The following CECR2 variants were observed in gnomAD, a reference collection of about 807,000 sequenced individuals.
CECR2 encodes CECR2 histone acetyl-lysine reader, also known as chromatin remodeling regulator CECR2.
Under a neutral mutation model 154.5 loss-of-function variants are expected in CECR2, and 30 were observed. The ratio of observed to expected loss-of-function variants is 0.19; its 90% CI spans 0.15 to 0.26. CECR2 has a LOEUF of 0.26. Ranked by LOEUF, CECR2 falls within the 10% of genes least tolerant of loss-of-function variation. The pLI is 1.00. For synonymous variants in CECR2, 725 were observed against 683.7 expected, an observed-to-expected ratio of 1.06 and a Z score of -0.94; for missense variants, 1,743 against 1,829.3, an observed-to-expected ratio of 0.95 and a Z score of 0.86.
Position 17,552,994 on chromosome 22 carries a change from G to C in CECR2, c.*154G>C, listed in dbSNP as rs17808690. Reference sequence around the variant, plus strand: ...CCATACTTGAGCTGGAGCCAGTCACGGGCCCTAAAAGGACACTCCTTAGAT... The same window carrying C: ...CCATACTTGAGCTGGAGCCAGTCACCGGCCCTAAAAGGACACTCCTTAGAT... On this transcript the variant is annotated 3_prime_UTR_variant, in exon 19 of 19. Coordinates refer to ENST00000262608, the MANE Select transcript of CECR2 (RefSeq NM_001290047.2). 19,814 of 1,456,886 alleles carry C rather than the reference G, an allele frequency of 0.014. 185 individuals carry two copies. The highest frequency in any genetic ancestry group is 0.015 in the Non-Finnish European group (16,728 of 1,106,988). 90.2% of individuals were successfully genotyped at this position (1,456,886 alleles called of 1,614,324 possible).
chr22:17,530,687 GA>G lies in CECR2; in HGVS notation c.1109-6405del, dbSNP rs79356386. Among the ~76,000 whole-genome samples the G allele has an allele frequency of 5.0e-3, 697 of 138,724 alleles. 5 individuals carry two copies. Among genetic ancestry groups the G allele is most frequent in the African/African-American group, 0.016 (628 of 38,230 alleles). 91.0% of individuals were successfully genotyped at this position (138,724 alleles called of 152,430 possible). On this transcript the variant is annotated intron_variant, in intron 9 of 18. Coordinates refer to ENST00000262608, the MANE Select transcript of CECR2 (RefSeq NM_001290047.2). ...GCGAGACTCTGTCCCCCTCAAAAAAGAAAAAAAAAAACAACAGAAGGCAAAA... is the reference window on the plus strand; with the variant it reads ...GCGAGACTCTGTCCCCCTCAAAAAAGAAAAAAAAAACAACAGAAGGCAAAA...
chr22:17,538,466 TCAG>T, intron 10 of CECR2, 51 bp from the exon 11 acceptor site: 1 of 1,513,714 alleles, frequency 6.6e-7, no homozygotes, highest in Non-Finnish European at 9.2e-7. Context: ...CTGAGAGAGC[TCAG>T]GAGAGAAGGT....
rs61532770 is a variant in CECR2 at position 17,391,864 on chromosome 22, C to G, written c.126+21955C>G. On this transcript the variant is annotated intron_variant, in intron 1 of 18. Transcript: ENST00000262608. Reference sequence around the variant, plus strand: ...TCTTACAGGCGGGAGTACAGTGGCGCAATCTCCGCTCACTGTAACTTCCGT... The same window carrying G: ...TCTTACAGGCGGGAGTACAGTGGCGGAATCTCCGCTCACTGTAACTTCCGT... Among the ~76,000 whole-genome samples the G allele has an allele frequency of 7.7e-4, 117 of 152,320 alleles. 1 individual carries two copies. The highest frequency in any genetic ancestry group is 2.7e-3 in the African/African-American group (114 of 41,576).
At chr22:17,472,969 C>T (rs982048330) in intron 1 of CECR2, among the ~76,000 whole-genome samples, 5 of 152,114 alleles carry the variant, frequency 3.3e-5, no homozygotes, top group African/African-American at 1.2e-4. Flanking sequence ...TCTGCTTGTT[C>T]CCGCTGCTGT....
intron 16 of CECR2, 101 bp downstream of exon 16, chr22:17,543,104 T>C: frequency 7.6e-7 from 1 of 1,312,034 alleles, no homozygotes; most frequent in South Asian, 1.6e-5. Context: ...CCAGCCTCTC[T>C]TTCTTTGTTT....
At chr22:17,465,730 G>A (rs1436653752) in intron 1 of CECR2, among the ~76,000 whole-genome samples, 1 of 151,942 alleles carries the variant, frequency 6.6e-6, no homozygotes, top group Non-Finnish European at 1.5e-5. Context: ...TGATCCCCCC[G>A]CCTCAGCCTC....
intron 2 of CECR2, among the ~76,000 whole-genome samples, chr22:17,496,194 C>A (rs1321200162): frequency 6.6e-6 from 1 of 152,032 alleles, no homozygotes; most frequent in Admixed American, 6.6e-5. Context: ...GCTGAGACCC[C>A]ATCTCTGAAA....
At chr22:17,414,456 CTTTTT>C (rs1189863394) in intron 1 of CECR2, among the ~76,000 whole-genome samples, 1 of 118,142 alleles carries the variant, frequency 8.5e-6, no homozygotes, top group African/African-American at 3.0e-5. Context: ...TTTCTTTTTT[CTTTTT>C]TTTTTTTTTA....
intron 1 of CECR2, among the ~76,000 whole-genome samples, chr22:17,436,152 G>T (rs2054503803): frequency 6.6e-6 from 1 of 152,066 alleles, no homozygotes; most frequent in Non-Finnish European, 1.5e-5. Flanking sequence ...TAGAGACGGG[G>T]TTTCACGGTG....
chr22:17,517,232 C>T (rs73159545), intron 8 of CECR2, among the ~76,000 whole-genome samples: 4,171 of 149,080 alleles, frequency 0.028, 101 homozygotes, highest in South Asian at 0.083. Flanking sequence ...TGCGCACTTG[C>T]GCTTTCTGGC....
In CECR2 at chr22:17,537,106, G is replaced by T; in HGVS notation, c.1112G>T (p.Arg371Leu). ...TCAGCCTTTGTGTTCATTGTAGATC[G>T]AGCGAAGAGGAGAAAGCTCAGGGAA... ...LEEKVKAVED[R>L]AKRRKLREER... is the part of the protein sequence containing the mutation. Residue 371 changes from arginine to leucine, a missense_variant, in exon 10 of 19, where the codon CGA (arginine) becomes CTA (leucine). This residue lies in a region of CECR2 where 292 missense variants were observed against 301.2 expected (regional missense o/e 0.97). Coordinates refer to ENST00000262608, the MANE Select transcript of CECR2 (RefSeq NM_001290047.2). 2 of 1,613,088 alleles carry T rather than the reference G, an allele frequency of 1.2e-6. No homozygotes were observed. Among genetic ancestry groups the T allele is most frequent in the Non-Finnish European group, 1.7e-6 (2 of 1,179,566 alleles).
At chr22:17,467,917 A>T (rs573939874) in intron 1 of CECR2, among the ~76,000 whole-genome samples, 1 of 152,238 alleles carries the variant, frequency 6.6e-6, no homozygotes, top group East Asian at 1.9e-4. Context: ...TTTTGAGACC[A>T]TGAGCTGATG....
At chr22:17,434,085 G>A (rs987273995) in intron 1 of CECR2, among the ~76,000 whole-genome samples, 1 of 151,840 alleles carries the variant, frequency 6.6e-6, no homozygotes, top group African/African-American at 2.4e-5. Context: ...AAGGCACAGA[G>A]TGAAATAACG....
At position 17,400,476 on chromosome 22, in the gene CECR2, T is replaced by C. The variant is rs138781648; in HGVS notation, c.126+30567T>C. ...AGAGAAGCTAGGCACACCTGCCAAC[T>C]CTCTTTATCCTTAGGAGGCTCTTGA... On this transcript the variant is annotated intron_variant, in intron 1 of 18. Coordinates refer to ENST00000262608, the MANE Select transcript of CECR2 (RefSeq NM_001290047.2). Among the ~76,000 whole-genome samples, 351 of 152,256 alleles carry C rather than the reference T, an allele frequency of 2.3e-3. 2 individuals are homozygous for C. The highest frequency in any genetic ancestry group is 8.4e-3 in the African/African-American group (348 of 41,510).
At chr22:17,551,347 A>T (rs2056705468) in intron 17 of CECR2, among the ~76,000 whole-genome samples, 1 of 145,942 alleles carries the variant, frequency 6.9e-6, no homozygotes, top group Non-Finnish European at 1.5e-5. Context: ...TTTTTTTCTG[A>T]TAAAGGATCC....
intron 8 of CECR2, among the ~76,000 whole-genome samples, chr22:17,523,475 G>A (rs1332277046): frequency 1.3e-5 from 2 of 151,528 alleles, no homozygotes; most frequent in Non-Finnish European, 2.9e-5. Context: ...TACCTTTATC[G>A]GCTGGGCACG....
chr22:17,530,152 T>C (rs1457751228), intron 9 of CECR2, among the ~76,000 whole-genome samples: 1 of 151,368 alleles, frequency 6.6e-6, no homozygotes, highest in Admixed American at 6.6e-5. Flanking sequence ...TGGTCACTCA[T>C]CTTGGAGTTC....
intron 1 of CECR2, among the ~76,000 whole-genome samples, chr22:17,402,254 G>A (rs1040097803): frequency 6.6e-6 from 1 of 152,144 alleles, no homozygotes; most frequent in Non-Finnish European, 1.5e-5. Context: ...CAAAGTGCTG[G>A]GATGACAGGC....
chr22:17,434,490 A>G (rs181822786), intron 1 of CECR2, among the ~76,000 whole-genome samples: 188 of 152,300 alleles, frequency 1.2e-3, no homozygotes, highest in African/African-American at 4.4e-3. Flanking sequence ...GTGGCAGTAC[A>G]GTAGGCCTTC....
Sources: gnomAD v4.1 joint callset for allele counts (sites outside exome capture counted in the v4.1 genomes callset) on GRCh38, gnomAD v4.1.1 for gene constraint, gnomAD v4.1.1 regional missense constraint, MANE v1.5 for transcripts, NCBI Gene and HGNC (gene_info 2026-07-23, HGNC 2026-07-21) for gene names.